The following DMXL1 variants were observed in gnomAD, a reference collection of about 807,000 sequenced individuals.
DMXL1 encodes dmX-like protein 1.
Under a neutral mutation model 319.2 loss-of-function variants are expected in DMXL1, and 99 were observed. The observed-to-expected ratio is 0.31, with a 90% confidence interval of 0.26 to 0.37. DMXL1 has a LOEUF of 0.37. Among genes scored for constraint, DMXL1 ranks in the 10% least tolerant of loss-of-function variants. The pLI is 1.00. For synonymous variants in DMXL1, 1,385 were observed against 1,235.2 expected, an observed-to-expected ratio of 1.12 and a Z score of -2.54; for missense variants, 3,745 against 3,595.6, an observed-to-expected ratio of 1.04 and a Z score of -1.06.
intron 24 of DMXL1, among the ~76,000 whole-genome samples, 161 bp downstream of exon 24, chr5:119,171,441 G>A (rs1182976016): frequency 1.3e-5 from 2 of 152,076 alleles, no homozygotes; most frequent in Non-Finnish European, 2.9e-5. Flanking sequence ...ATAGAGTTGT[G>A]TATTTATAGT....
intron 21 of DMXL1, 24 bp downstream of exon 21, chr5:119,165,304 A>AAAAAAAAAAT: frequency 1.0e-6 from 1 of 965,760 alleles, no homozygotes; most frequent in Non-Finnish European, 1.5e-6. Flanking sequence ...AAAAAAAAAA[A>AAAAAAAAAAT]GGGTGCTTCA....
At position 119,133,267 on chromosome 5, in the gene DMXL1, C is replaced by T. The variant is rs760537233; in HGVS notation, c.1451C>T (p.Ser484Phe). Reference sequence around the variant, plus strand: ...GATCATCAGATTGAAGTACTTCTGTCTGAATGGAGTAAAAATGCAGATATG... The same window carrying T: ...GATCATCAGATTGAAGTACTTCTGTTTGAATGGAGTAAAAATGCAGATATG... ...AIDHQIEVLLSEWSKNADMLF... is the reference protein window; with the variant it reads ...AIDHQIEVLLFEWSKNADMLF... The change falls in exon 11 of 44, where the codon TCT (serine) becomes TTT (phenylalanine). Residue 484 changes from serine (S) to phenylalanine (F), a missense_variant. Around this residue, in one of 4 missense-constraint regions of DMXL1, gnomAD observed 2,096 missense variants for 1,985.4 expected, o/e 1.06. Coordinates refer to ENST00000539542, the MANE Select transcript of DMXL1 (RefSeq NM_001290321.3). 5 of 1,614,028 alleles carry T rather than the reference C, an allele frequency of 3.1e-6. No homozygotes were observed. Among genetic ancestry groups the T allele is most frequent in the Non-Finnish European group, 4.2e-6 (5 of 1,180,030 alleles).
chr5:119,157,097 C>T (rs1438944789), intron 19 of DMXL1, among the ~76,000 whole-genome samples: 1 of 152,078 alleles, frequency 6.6e-6, no homozygotes, highest in Non-Finnish European at 1.5e-5. Flanking sequence ...AGCCATCCTC[C>T]TGCCTCAGCC....
chr5:119,102,419 C>T (rs908982086), intron 3 of DMXL1, among the ~76,000 whole-genome samples: 1 of 152,170 alleles, frequency 6.6e-6, no homozygotes, highest in South Asian at 2.1e-4. Context: ...TCATGTAATA[C>T]AGTCGTTAAC....
chr5:119,102,436 A>C (rs940505165), intron 3 of DMXL1, among the ~76,000 whole-genome samples: 1 of 152,204 alleles, frequency 6.6e-6, no homozygotes, highest in Non-Finnish European at 1.5e-5. Flanking sequence ...TAACAGGTCA[A>C]TGAATGTTTT....
chr5:119,106,480 A>T (rs1042716755), intron 4 of DMXL1, among the ~76,000 whole-genome samples: 6 of 152,224 alleles, frequency 3.9e-5, no homozygotes, highest in African/African-American at 1.2e-4. Flanking sequence ...AAGATACATT[A>T]TAATAAGGAT....
At chr5:119,091,618 T>C (rs1350715889) in intron 1 of DMXL1, among the ~76,000 whole-genome samples, 1 of 152,220 alleles carries the variant, frequency 6.6e-6, no homozygotes, top group Non-Finnish European at 1.5e-5. Flanking sequence ...TTGGAGATTC[T>C]TCACTGCTAA....
At chr5:119,074,873 A>G (rs1206731959) in intron 1 of DMXL1, among the ~76,000 whole-genome samples, 1 of 152,224 alleles carries the variant, frequency 6.6e-6, no homozygotes, top group African/African-American at 2.4e-5. Context: ...GTTGATTTCC[A>G]ATGTGGTCCC....
chr5:119,106,729 G>A (rs1561593662), intron 4 of DMXL1, among the ~76,000 whole-genome samples: 2 of 152,098 alleles, frequency 1.3e-5, no homozygotes, highest in Admixed American at 6.6e-5. Context: ...CCTTTGGAGA[G>A]GTTGTATTCT....
chr5:119,089,033 T>G (rs1753993270), intron 1 of DMXL1, among the ~76,000 whole-genome samples: 2 of 151,816 alleles, frequency 1.3e-5, no homozygotes, highest in South Asian at 4.2e-4. Context: ...GTTGAAGAAC[T>G]CCCTTTAGCA....
At chr5:119,112,785 C>T (rs1444950596) in intron 5 of DMXL1, among the ~76,000 whole-genome samples, 3 of 151,946 alleles carry the variant, frequency 2.0e-5, no homozygotes, top group Non-Finnish European at 4.4e-5. Flanking sequence ...GGCGAAACCC[C>T]GTCTCTACTA....
At chr5:119,190,903 G>A (rs1457303227) in intron 29 of DMXL1, among the ~76,000 whole-genome samples, 1 of 152,186 alleles carries the variant, frequency 6.6e-6, no homozygotes, top group African/African-American at 2.4e-5. Context: ...AAATGTGACA[G>A]TTTGTTTAAG....
At chr5:119,169,657 G>T (rs1774159203) in intron 23 of DMXL1, among the ~76,000 whole-genome samples, 3 of 152,174 alleles carry the variant, frequency 2.0e-5, no homozygotes, top group Admixed American at 2.0e-4. Flanking sequence ...TGAAATGTAG[G>T]CCTTTGGATA....
At chr5:119,215,574 C>T (rs1481368343) in intron 34 of DMXL1, among the ~76,000 whole-genome samples, 2 of 151,966 alleles carry the variant, frequency 1.3e-5, no homozygotes, top group Non-Finnish European at 1.5e-5. Context: ...TCAAGTGATC[C>T]ACTCACCTCA....
At chr5:119,219,671 A>C (rs1265635593) in intron 35 of DMXL1, among the ~76,000 whole-genome samples, 2 of 152,002 alleles carry the variant, frequency 1.3e-5, no homozygotes, top group Non-Finnish European at 1.5e-5. Context: ...GGGCTCAAGC[A>C]ATCGTTTCAC....
At position 119,072,870 on chromosome 5, in the gene DMXL1, C is replaced by G. The variant is rs141995138; in HGVS notation, c.87+1214C>G. On this transcript the variant is annotated intron_variant, in intron 1 of 43. Coordinates refer to ENST00000539542, the MANE Select transcript of DMXL1 (RefSeq NM_001290321.3). ...TGAATACTTGGGAAAAGAGTGAGCT[C>G]TGAGGGTCCCAGTGAGCAACTATAG... Among the ~76,000 whole-genome samples the G allele has an allele frequency of 5.7e-3, 861 of 152,248 alleles. 9 individuals are homozygous for G. The highest frequency in any genetic ancestry group is 0.02 in the African/African-American group (818 of 41,550).
At chr5:119,100,227 A>G (rs189057330) in intron 2 of DMXL1, among the ~76,000 whole-genome samples, 46 of 151,980 alleles carry the variant, frequency 3.0e-4, no homozygotes, top group Non-Finnish European at 6.6e-4. Context: ...TCAGGAGTTC[A>G]AGACCATTCT....
At chr5:119,246,853 G>T in intron 43 of DMXL1, 142 bp from the exon 44 acceptor site, 1 of 568,396 alleles carries the variant, frequency 1.8e-6, no homozygotes, top group Non-Finnish European at 3.1e-6. Context: ...GGCTGGTCTT[G>T]AACTCCTTAC....
At position 119,151,035 on chromosome 5, in the gene DMXL1, G is replaced by A. The variant is rs76259631; in HGVS notation, c.4594+614G>A. Among the ~76,000 whole-genome samples, 186 of 152,198 alleles carry A rather than the reference G, an allele frequency of 1.2e-3. 1 individual carries two copies. Among genetic ancestry groups the A allele is most frequent in the African/African-American group, 4.3e-3 (180 of 41,538 alleles). ...TTTCTGAGTTTAGCAAAATTTAACA[G>A]ATTCTTATTAAACAATTATTTTAAG... On this transcript the variant is annotated intron_variant, in intron 18 of 43. Transcript: ENST00000539542.
Sources: allele counts gnomAD v4.1 joint callset (sites outside exome capture counted in the v4.1 genomes callset), GRCh38; gene constraint gnomAD v4.1.1; regional missense constraint gnomAD v4.1.1; transcripts MANE v1.5; gene names NCBI Gene and HGNC (gene_info 2026-07-23, HGNC 2026-07-21).